Variants in NCOA1 observed in about 807,000 individuals in gnomAD.
NCOA1 encodes nuclear receptor coactivator 1.
In NCOA1, 35 loss-of-function variants were observed where a neutral mutation model predicts 150.9. The observed-to-expected ratio is 0.23, with a 90% confidence interval of 0.18 to 0.31. The LOEUF is 0.31. Ranked by LOEUF, NCOA1 falls within the 10% of genes least tolerant of loss-of-function variation. NCOA1 has a pLI of 1.00. For missense variants in NCOA1, 1,491 were observed against 1,749.3 expected (o/e 0.85, Z 2.63); for synonymous variants, 590 against 630.0 (o/e 0.94, Z 0.95).
intron 4 of NCOA1, among the ~76,000 whole-genome samples, chr2:24,656,659 G>A (rs1026771391): frequency 2.0e-5 from 3 of 152,114 alleles, no homozygotes; most frequent in African/African-American, 2.4e-5. Context: ...CCACTATTCT[G>A]CTATCTACTT....
chr2:24,661,624 T>C (rs1671187808), intron 5 of NCOA1, among the ~76,000 whole-genome samples: 1 of 152,220 alleles, frequency 6.6e-6, no homozygotes, highest in Non-Finnish European at 1.5e-5. Flanking sequence ...ATCTGAAATT[T>C]ATTTTTGTGC....
intron 6 of NCOA1, 68 bp from the exon 7 acceptor site, chr2:24,673,298 C>T (rs867949212): frequency 4.7e-5 from 53 of 1,125,092 alleles, no homozygotes; most frequent in African/African-American, 4.4e-4. Context: ...TCTATGTCTT[C>T]GTAAACTTGA....
In NCOA1 at chr2:24,599,509, G is replaced by A. The variant is rs187916926; in HGVS notation, c.-175+14949G>A. ...GAAGGTATTTACATGTATTTTCTGC[G>A]AAGGATTTATGAGTGTCTCAGATTG... On this transcript the variant is annotated intron_variant, in intron 3 of 22. Transcript: ENST00000348332. 3.2e-3 allele frequency among the ~76,000 whole-genome samples: 492 copies of A among 152,256 alleles called. 3 individuals carry two copies. Among genetic ancestry groups the A allele is most frequent in the Admixed American group, 4.5e-3 (69 of 15,284 alleles).
At chr2:24,576,170 GTTTTTTTTTTTTTTTTTTTTT>G (rs1666953052) in intron 2 of NCOA1, among the ~76,000 whole-genome samples, 1 of 46,330 alleles carries the variant, frequency 2.2e-5, no homozygotes, top group African/African-American at 6.4e-5. Context: ...TTTGTTTTTT[GTTTTTTTTTTTTTTTTTTTTT>G]GTTTGCTAGT....
intron 14 of NCOA1, among the ~76,000 whole-genome samples, chr2:24,714,963 GA>G (rs1272849380): frequency 6.6e-6 from 1 of 151,670 alleles, no homozygotes; most frequent in Non-Finnish European, 1.5e-5. Context: ...AGATAAACAA[GA>G]AAAAACTTTC....
intron 19 of NCOA1, among the ~76,000 whole-genome samples, chr2:24,748,337 C>A (rs1414250740): frequency 1.3e-5 from 2 of 152,002 alleles, no homozygotes; most frequent in African/African-American, 2.4e-5. Flanking sequence ...TAAGGCCGGG[C>A]GTGGTGGCTC....
At chr2:24,572,719 C>T (rs1013131863) in intron 2 of NCOA1, among the ~76,000 whole-genome samples, 7 of 152,110 alleles carry the variant, frequency 4.6e-5, no homozygotes, top group African/African-American at 7.2e-5. Context: ...AACCTTTTAA[C>T]ATATCTTTAA....
intron 20 of NCOA1, among the ~76,000 whole-genome samples, chr2:24,755,678 G>T (rs1664462646): frequency 6.6e-6 from 1 of 152,214 alleles, no homozygotes; most frequent in African/African-American, 2.4e-5. Context: ...CTGCAGAAGA[G>T]CTTGGTCTCC....
At chr2:24,756,494 A>G (rs1664506057) in intron 20 of NCOA1, among the ~76,000 whole-genome samples, 1 of 152,214 alleles carries the variant, frequency 6.6e-6, no homozygotes, top group African/African-American at 2.4e-5. Context: ...TCAATTCAGT[A>G]TGATTACCTT....
Position 24,491,507 on chromosome 2 carries a change from C to CT in NCOA1, c.-491_-490insT, listed in dbSNP as rs1187687676. ...GGAGGGGGCCGGAGAGCCGCGGCGC[C>CT]GGGCCCGAGGAGCGGCGGAGGCCGG... is the stretch of plus-strand genomic sequence containing the variant. On this transcript the variant is annotated 5_prime_UTR_variant, in exon 1 of 23. Coordinates refer to ENST00000348332, the MANE Select transcript of NCOA1 (RefSeq NM_003743.5). Among the ~76,000 whole-genome samples, 4 of 146,788 alleles carry CT rather than the reference C, an allele frequency of 2.7e-5. No individual in the cohort carries two copies. The highest frequency in any genetic ancestry group is 9.8e-5 in the African/African-American group (4 of 40,902).
At chr2:24,566,557 C>G (rs1024312816) in intron 2 of NCOA1, among the ~76,000 whole-genome samples, 4 of 152,124 alleles carry the variant, frequency 2.6e-5, no homozygotes, top group African/African-American at 9.7e-5. Flanking sequence ...AGAAAAAGCA[C>G]TGTAAGTTTC....
intron 19 of NCOA1, among the ~76,000 whole-genome samples, chr2:24,742,754 A>T (rs1052531450): frequency 4.0e-5 from 6 of 151,610 alleles, no homozygotes; most frequent in African/African-American, 1.2e-4. Context: ...ATTGATCTCT[A>T]TGAGAATTCA....
intron 3 of NCOA1, among the ~76,000 whole-genome samples, chr2:24,587,821 GC>G (rs1290297088): frequency 6.6e-6 from 1 of 152,134 alleles, no homozygotes; most frequent in East Asian, 1.9e-4. Context: ...TTGCTTGGCG[GC>G]CCAGGTAAAA....
At chr2:24,713,400 T>C (rs189615435) in intron 14 of NCOA1, among the ~76,000 whole-genome samples, 3 of 152,212 alleles carry the variant, frequency 2.0e-5, no homozygotes, top group East Asian at 3.9e-4. Context: ...AAAAAGTACT[T>C]GTACCAAAGC....
intron 3 of NCOA1, among the ~76,000 whole-genome samples, chr2:24,610,188 G>C (rs1196824338): frequency 7.0e-6 from 1 of 143,334 alleles, no homozygotes; most frequent in African/African-American, 2.6e-5. Context: ...GCAGTGGCGT[G>C]ATCTCTGCTC....
At chr2:24,670,478 CTAT>C (rs1184770919) in intron 6 of NCOA1, among the ~76,000 whole-genome samples, 3 of 152,092 alleles carry the variant, frequency 2.0e-5, no homozygotes, top group Admixed American at 6.5e-5. Flanking sequence ...CTATGAAGGA[CTAT>C]TATTAGGCAA....
At chr2:24,603,312 T>C (rs1668213456) in intron 3 of NCOA1, among the ~76,000 whole-genome samples, 1 of 152,222 alleles carries the variant, frequency 6.6e-6, no homozygotes, top group African/African-American at 2.4e-5. Flanking sequence ...TGCTGACTAA[T>C]CAGGATGGTG....
chr2:24,728,620 G>C, intron 16 of NCOA1, 144 bp downstream of exon 16: 1 of 539,376 alleles, frequency 1.9e-6, no homozygotes, highest in East Asian at 3.7e-5. Flanking sequence ...AAATATATGA[G>C]TTTTTTTTTT....
intron 8 of NCOA1, among the ~76,000 whole-genome samples, chr2:24,687,613 C>A (rs56150810): frequency 0.068 from 10,363 of 152,104 alleles, 431 homozygotes; most frequent in East Asian, 0.19. Context: ...GAAGCAATTG[C>A]CTTCTTCACA....
Sources: gnomAD v4.1 joint callset for allele counts (sites outside exome capture counted in the v4.1 genomes callset) on GRCh38, gnomAD v4.1.1 for gene constraint, MANE v1.5 for transcripts, NCBI Gene and HGNC (gene_info 2026-07-23, HGNC 2026-07-21) for gene names.